NME7: variants seen among roughly 807,000 people sequenced by gnomAD.
NME7 encodes the protein NME/NM23 family member 7, also known as nucleoside diphosphate kinase 7.
Under a neutral mutation model 49.1 loss-of-function variants are expected in NME7, and 41 were observed. That is an observed-to-expected ratio of 0.83 (90% CI 0.65 to 1.08). NME7 has a LOEUF of 1.08. Among genes scored for constraint, NME7 ranks in the 50% least tolerant of loss-of-function variants. The pLI is 0.00. For missense variants in NME7, 423 were observed against 463.4 expected, an observed-to-expected ratio of 0.91 and a Z score of 0.80; for synonymous variants, 139 against 150.6, an observed-to-expected ratio of 0.92 and a Z score of 0.56.
At chr1:169,191,348 A>G (rs960137210) in intron 10 of NME7, among the ~76,000 whole-genome samples, 3 of 152,178 alleles carry the variant, frequency 2.0e-5, no homozygotes, top group African/African-American at 7.2e-5. Context: ...GTTGATAACT[A>G]TTATTGCTCC....
At chr1:169,255,365 A>G (rs1424966410) in intron 7 of NME7, among the ~76,000 whole-genome samples, 3 of 119,844 alleles carry the variant, frequency 2.5e-5, no homozygotes, top group African/African-American at 8.9e-5. Context: ...AGTCTGTTTT[A>G]TCAGAGACTA....
intron 1 of NME7, among the ~76,000 whole-genome samples, chr1:169,338,218 T>C (rs1471076236): frequency 2.8e-4 from 43 of 152,244 alleles, no homozygotes; most frequent in Admixed American, 2.8e-3. Context: ...TAAAATTTCT[T>C]TTGAAAAAAT....
At chr1:169,154,491 AT>A (rs1011859344) in intron 11 of NME7, among the ~76,000 whole-genome samples, 1 of 152,052 alleles carries the variant, frequency 6.6e-6, no homozygotes, top group Non-Finnish European at 1.5e-5. Context: ...TTATAAAAAA[AT>A]CTCTGGCTTT....
At chr1:169,181,134 T>TTATCTATCTATC (rs60560425) in intron 10 of NME7, among the ~76,000 whole-genome samples, 11,154 of 123,910 alleles carry the variant, frequency 0.09, 491 homozygotes, top group Admixed American at 0.13. Flanking sequence ...TCCTATCTAT[T>TTATCTATCTATC]TATCTATCTA....
At chr1:169,367,504 T>G (rs1222014878) in intron 1 of NME7, among the ~76,000 whole-genome samples, 1 of 152,146 alleles carries the variant, frequency 6.6e-6, no homozygotes, top group Non-Finnish European at 1.5e-5. Context: ...CTCTAGAGAC[T>G]TAGTAACATT....
intron 1 of NME7, among the ~76,000 whole-genome samples, chr1:169,342,502 A>G (rs1652752131): frequency 1.6e-5 from 2 of 124,854 alleles, no homozygotes; most frequent in Non-Finnish European, 3.4e-5. Context: ...TATATATACA[A>G]GTACATATAT....
At chr1:169,291,968 A>C (rs925650018) in intron 6 of NME7, among the ~76,000 whole-genome samples, 4 of 152,148 alleles carry the variant, frequency 2.6e-5, no homozygotes, top group African/African-American at 9.7e-5. Context: ...GGTGGTCTGA[A>C]CCAAATCTAC....
At position 169,367,730 on chromosome 1, in the gene NME7, T is replaced by A. The variant is rs1302853496; in HGVS notation, c.-20A>T. On this transcript the variant is annotated 5_prime_UTR_variant, in exon 1 of 12. Coordinates refer to ENST00000367811, the MANE Select transcript of NME7 (RefSeq NM_013330.5). ...CACCATTGTCTCAGGATCTCAGCAC[T>A]AGAAAATAGGTATCGTTGAGACAGG... 2 of 1,613,922 alleles carry A rather than the reference T, an allele frequency of 1.2e-6. No homozygotes were observed. Among genetic ancestry groups the A allele is most frequent in the African/African-American group, 2.7e-5 (2 of 74,894 alleles).
intron 1 of NME7, among the ~76,000 whole-genome samples, chr1:169,364,577 G>C (rs1030170656): frequency 2.0e-5 from 3 of 152,066 alleles, no homozygotes; most frequent in African/African-American, 7.2e-5. Flanking sequence ...GGGAAGGAAG[G>C]CATCACAGAA....
At chr1:169,190,215 G>A (rs1028670236) in intron 10 of NME7, among the ~76,000 whole-genome samples, 15 of 152,066 alleles carry the variant, frequency 9.9e-5, no homozygotes, top group African/African-American at 3.6e-4. Context: ...AAAATCAACA[G>A]TAGGGGAATG....
intron 6 of NME7, among the ~76,000 whole-genome samples, chr1:169,296,476 T>G (rs916628354): frequency 2.6e-5 from 4 of 152,142 alleles, no homozygotes; most frequent in Non-Finnish European, 4.4e-5. Context: ...TCCTTACCTT[T>G]TATCAAGATG....
intron 11 of NME7, among the ~76,000 whole-genome samples, chr1:169,155,861 A>T (rs983540960): frequency 1.6e-4 from 24 of 151,208 alleles, no homozygotes; most frequent in African/African-American, 5.8e-4. Context: ...CTTAATGGAG[A>T]GTGCACAGTG....
At chr1:169,152,585 C>A (rs1658942814) in intron 11 of NME7, among the ~76,000 whole-genome samples, 1 of 152,144 alleles carries the variant, frequency 6.6e-6, no homozygotes, top group African/African-American at 2.4e-5. Context: ...GAGGAATGAA[C>A]AAAACACACA....
At chr1:169,350,265 G>GGAAGGAAGGAAGGAAA (rs1174160489) in intron 1 of NME7, among the ~76,000 whole-genome samples, 2 of 150,262 alleles carry the variant, frequency 1.3e-5, no homozygotes, top group Non-Finnish European at 3.0e-5. Flanking sequence ...AAGGAAGGAA[G>GGAAGGAAGGAAGGAAA]GAAGGAAGGA....
chr1:169,168,344 G>T (rs1369649510), intron 11 of NME7, among the ~76,000 whole-genome samples: 1 of 152,134 alleles, frequency 6.6e-6, no homozygotes, highest in African/African-American at 2.4e-5. Flanking sequence ...TCTTTCTTCT[G>T]AAGAGGCAGA....
intron 10 of NME7, among the ~76,000 whole-genome samples, chr1:169,188,905 T>G (rs1273813529): frequency 6.6e-6 from 1 of 152,174 alleles, no homozygotes; most frequent in Non-Finnish European, 1.5e-5. Flanking sequence ...TGAGGGAATT[T>G]TCTATTAGGT....
chr1:169,253,947 C>CT lies in NME7; in HGVS notation c.755-16261dup, dbSNP rs574354278. On this transcript the variant is annotated intron_variant, in intron 7 of 11. Coordinates refer to ENST00000367811, the MANE Select transcript of NME7 (RefSeq NM_013330.5). Reference sequence around the variant, plus strand: ...CATGGTGGATAAGCTTTTTGATGTGCTGCTGGATTCCTTTTGCCAGTATTT... The same window carrying CT: ...CATGGTGGATAAGCTTTTTGATGTGCTTGCTGGATTCCTTTTGCCAGTATTT... Among the ~76,000 whole-genome samples, 938 of 150,456 alleles carry CT rather than the reference C, an allele frequency of 6.2e-3. 10 individuals are homozygous for CT. Among genetic ancestry groups the CT allele is most frequent in the African/African-American group, 0.021 (884 of 41,242 alleles).
chr1:169,267,125 C>T lies in NME7; in HGVS notation c.754+20178G>A, dbSNP rs144893132. On this transcript the variant is annotated intron_variant, in intron 7 of 11. Transcript: ENST00000367811. ...AAAAATCAGTAGCATTCTTACACAGCGCCCAAGCTGAGAGCCAAATCAGGA... is the reference window on the plus strand; with the variant it reads ...AAAAATCAGTAGCATTCTTACACAGTGCCCAAGCTGAGAGCCAAATCAGGA... Among the ~76,000 whole-genome samples, 224 of 133,216 alleles carry T rather than the reference C, an allele frequency of 1.7e-3. 30 individuals are homozygous for T. The highest frequency in any genetic ancestry group is 5.3e-3 in the African/African-American group (210 of 39,412). 87.4% of individuals were successfully genotyped at this position (133,216 alleles called of 152,430 possible). A position where few individuals can be genotyped will look rare whatever the true frequency, so the allele number is the denominator to read the frequency against.
chr1:169,339,844 G>A (rs1240698784), intron 1 of NME7, among the ~76,000 whole-genome samples: 1 of 152,234 alleles, frequency 6.6e-6, no homozygotes, highest in Non-Finnish European at 1.5e-5. Flanking sequence ...AGGAAGAACA[G>A]AGAGGCCAAG....
Sources: gnomAD v4.1 joint callset for allele counts (sites outside exome capture counted in the v4.1 genomes callset) on GRCh38, gnomAD v4.1.1 for gene constraint, MANE v1.5 for transcripts, NCBI Gene and HGNC (gene_info 2026-07-23, HGNC 2026-07-21) for gene names.